The following VGLL4 variants were observed in gnomAD, a reference collection of about 807,000 sequenced individuals.
VGLL4 encodes the protein vestigial like family member 4.
In VGLL4, 7 loss-of-function variants were observed where a neutral mutation model predicts 21.0. That is an observed-to-expected ratio of 0.33 (90% CI 0.19 to 0.63). The LOEUF (loss-of-function observed/expected upper bound fraction) is 0.63, where lower values mean the gene tolerates loss of function less well. VGLL4 is among the 20% of genes least tolerant of loss of function. VGLL4 has a pLI of 0.78. For synonymous variants in VGLL4, 222 were observed against 173.2 expected, an observed-to-expected ratio of 1.28 and a Z score of -2.21; for missense variants, 394 against 425.7, an observed-to-expected ratio of 0.93 and a Z score of 0.66.
chr3:11,705,052 G>C (rs1361278896), intron 1 of VGLL4, among the ~76,000 whole-genome samples: 1 of 152,192 alleles, frequency 6.6e-6, no homozygotes, highest in African/African-American at 2.4e-5. Flanking sequence ...GAAAGTAAGC[G>C]ACAAGGTTGG....
chr3:11,673,289 T>C (rs1221259180), intron 2 of VGLL4, among the ~76,000 whole-genome samples: 1 of 151,986 alleles, frequency 6.6e-6, no homozygotes, highest in Non-Finnish European at 1.5e-5. Flanking sequence ...ACAGTATCCA[T>C]AAAACAGGGT....
At chr3:11,595,314 A>C (rs939875943) in intron 2 of VGLL4, among the ~76,000 whole-genome samples, 1 of 152,186 alleles carries the variant, frequency 6.6e-6, no homozygotes, top group Non-Finnish European at 1.5e-5. Flanking sequence ...TAGAATGGCA[A>C]TCATTAAAAA....
intron 1 of VGLL4, among the ~76,000 whole-genome samples, chr3:11,624,278 T>C (rs2075314671): frequency 6.6e-6 from 1 of 152,098 alleles, no homozygotes. Flanking sequence ...TCACAACTGA[T>C]CAATACCAAG....
intron 4 of VGLL4, 82 bp from the exon 5 acceptor site, chr3:11,558,909 A>T: frequency 6.6e-7 from 1 of 1,512,282 alleles, no homozygotes; most frequent in Non-Finnish European, 9.0e-7. Flanking sequence ...TCCCTCAGGC[A>T]GCCCAGAGCC....
chr3:11,577,959 G>A (rs1559874652), intron 2 of VGLL4, among the ~76,000 whole-genome samples: 2 of 152,118 alleles, frequency 1.3e-5, no homozygotes, highest in African/African-American at 2.4e-5. Flanking sequence ...TCACCCACAG[G>A]GCACATGCCA....
rs1018789959 is a variant in VGLL4 at position 11,653,711 on chromosome 3, G to A, written c.64+49260C>T. Among the ~76,000 whole-genome samples the A allele has an allele frequency of 1.3e-5, 2 of 152,288 alleles. No homozygotes were observed. Among genetic ancestry groups the A allele is most frequent in the East Asian group, 3.9e-4 (2 of 5,186 alleles). The stretch of plus-strand genomic sequence containing the variant: ...AAATATTGCCAAATAGTTTTCCACA[G>A]CAGTTGTACCCGTTTATACTCCTAC... On this transcript the variant is annotated intron_variant, in intron 2 of 5. Coordinates refer to the VGLL4 transcript ENST00000273038. The surrounding 1 kb of genome is among the most constrained non-coding windows in gnomAD (Gnocchi z 4.2).
chr3:11,589,164 G>A (rs1165386642), intron 2 of VGLL4, among the ~76,000 whole-genome samples: 2 of 152,192 alleles, frequency 1.3e-5, no homozygotes, highest in East Asian at 1.9e-4. Context: ...CTGGCAACCA[G>A]TAGGTCACTC....
At chr3:11,584,239 C>CA (rs1231908157) in intron 2 of VGLL4, among the ~76,000 whole-genome samples, 5 of 151,870 alleles carry the variant, frequency 3.3e-5, no homozygotes, top group South Asian at 2.1e-4. Flanking sequence ...CTCTAATTTA[C>CA]AAAAAAGACA....
At chr3:11,580,069 C>T (rs548256662) in intron 2 of VGLL4, among the ~76,000 whole-genome samples, 1 of 152,326 alleles carries the variant, frequency 6.6e-6, no homozygotes, top group Non-Finnish European at 1.5e-5. Flanking sequence ...CACCACTTTT[C>T]AGTGACAATA....
At chr3:11,668,274 G>A (rs2076156304) in intron 2 of VGLL4, among the ~76,000 whole-genome samples, 2 of 152,148 alleles carry the variant, frequency 1.3e-5, no homozygotes, top group Admixed American at 1.3e-4. Flanking sequence ...AATTTCAAAT[G>A]TCAAAACAAC....
At chr3:11,680,501 C>T (rs976615500) in intron 2 of VGLL4, among the ~76,000 whole-genome samples, 4 of 152,124 alleles carry the variant, frequency 2.6e-5, no homozygotes, top group African/African-American at 7.2e-5. Context: ...CAGGGCTGTG[C>T]GGGAGACCAG....
intron 2 of VGLL4, among the ~76,000 whole-genome samples, chr3:11,578,305 C>T (rs1035876534): frequency 3.3e-5 from 5 of 152,250 alleles, no homozygotes; most frequent in East Asian, 1.9e-4. Context: ...TGAATGAGTG[C>T]GTGCAGGCAT....
chr3:11,693,107 C>A, intron 2 of VGLL4: 1 of 207,884 alleles, frequency 4.8e-6, no homozygotes, highest in South Asian at 5.4e-5. Flanking sequence ...GGGGGCGGAG[C>A]TTGCAGTGAG....
chr3:11,568,672 C>G lies in VGLL4; in HGVS notation c.273-3653G>C. ...CATTGTTTTCCAGGCCCCGCTCGCC[C>G]GGATGAATCACCTCCCGGCCACTGC... On this transcript the variant is annotated intron_variant, in intron 2 of 4. Coordinates refer to ENST00000430365, the MANE Select transcript of VGLL4 (RefSeq NM_001128219.3). This position sits in a 1 kb window ranked among gnomAD's most constrained non-coding sequence, Gnocchi z 5.9. 4 of 1,555,932 alleles carry G rather than the reference C, an allele frequency of 2.6e-6. No individual in the cohort carries two copies. The highest frequency in any genetic ancestry group is 3.5e-6 in the Non-Finnish European group (4 of 1,148,954).
At chr3:11,660,610 A>C (rs1217069216) in intron 2 of VGLL4, among the ~76,000 whole-genome samples, 2 of 152,068 alleles carry the variant, frequency 1.3e-5, no homozygotes, top group East Asian at 3.9e-4. Flanking sequence ...TCAAAATTTT[A>C]GTTTTACTTT....
At chr3:11,574,791 G>A (rs566823887) in intron 2 of VGLL4, among the ~76,000 whole-genome samples, 14 of 98,640 alleles carry the variant, frequency 1.4e-4, no homozygotes, top group African/African-American at 5.6e-4. Flanking sequence ...ATATATGTGT[G>A]TGTGTGTGTG....
chr3:11,635,927 G>C (rs2075578359), intron 1 of VGLL4, among the ~76,000 whole-genome samples: 1 of 152,168 alleles, frequency 6.6e-6, no homozygotes, highest in South Asian at 2.1e-4. Flanking sequence ...TTAGAGAAGA[G>C]GTCATAACTT....
chr3:11,587,023 C>T (rs1290831816), intron 2 of VGLL4, among the ~76,000 whole-genome samples: 1 of 152,146 alleles, frequency 6.6e-6, no homozygotes, highest in Non-Finnish European at 1.5e-5. Flanking sequence ...TGCCGAAAGT[C>T]GAGAAATAAT....
intron 1 of VGLL4, chr3:11,710,669 C>T (rs997864252): frequency 1.3e-5 from 2 of 152,182 alleles, no homozygotes; most frequent in Admixed American, 1.3e-4. Context: ...CTTCATGAGT[C>T]CAAACTCTGG....
Sources: gnomAD v4.1 joint callset for allele counts (sites outside exome capture counted in the v4.1 genomes callset) on GRCh38, gnomAD v4.1.1 for gene constraint, Gnocchi (gnomAD v3.1) non-coding constraint, MANE v1.5 for transcripts, NCBI Gene and HGNC (gene_info 2026-07-23, HGNC 2026-07-21) for gene names.